SHTN1: variants seen among roughly 807,000 people sequenced by gnomAD.
SHTN1 encodes shootin-1.
A neutral mutation model predicts 83.1 loss-of-function variants in SHTN1; 42 were observed. That is an observed-to-expected ratio of 0.51 (90% CI 0.39 to 0.65). SHTN1 has a LOEUF of 0.65. Ranked by LOEUF, SHTN1 falls within the 30% of genes least tolerant of loss-of-function variation. The pLI is 0.00. For synonymous variants in SHTN1, 224 were observed against 247.7 expected, an observed-to-expected ratio of 0.90 and a Z score of 0.90; for missense variants, 622 against 737.8, an observed-to-expected ratio of 0.84 and a Z score of 1.82.
In SHTN1 at chr10:117,005,015, T is replaced by G. The variant is rs765731269; in HGVS notation, c.58+7A>C. 3 of 1,591,494 alleles carry G rather than the reference T, an allele frequency of 1.9e-6. No individual in the cohort carries two copies. Among genetic ancestry groups the G allele is most frequent in the East Asian group, 2.3e-5 (1 of 44,290 alleles). ...CTGCCCACACCTGGCGCCCGCGTGCTGCCTACCTTGCTCCTTCAGACTGGT... is the reference window on the plus strand; with the variant it reads ...CTGCCCACACCTGGCGCCCGCGTGCGGCCTACCTTGCTCCTTCAGACTGGT... On this transcript the variant is annotated splice_region_variant and intron_variant, in intron 1 of 16. Transcript: ENST00000355371.
intron 7 of SHTN1, among the ~76,000 whole-genome samples, chr10:116,945,269 T>C (rs957419263): frequency 6.6e-6 from 1 of 152,176 alleles, no homozygotes; most frequent in Non-Finnish European, 1.5e-5. Context: ...TTGTAACACA[T>C]GAGCATATAC....
rs749334905 is a variant in SHTN1, at chr10:116,934,737, T to C, written c.859-4735A>G. Among the ~76,000 whole-genome samples, 138 of 152,346 alleles carry C rather than the reference T, an allele frequency of 9.1e-4. 1 individual carries two copies. Among genetic ancestry groups the C allele is most frequent in the Non-Finnish European group, 6.5e-4 (44 of 68,032 alleles). Reference sequence around the variant, plus strand: ...AATGGTAGCTTGATAGGGATAGCATTGAATCCATAAATTACTCTGGGCAGT... The same window carrying C: ...AATGGTAGCTTGATAGGGATAGCATCGAATCCATAAATTACTCTGGGCAGT... On this transcript the variant is annotated intron_variant, in intron 9 of 16. Transcript: ENST00000355371.
intron 1 of SHTN1, among the ~76,000 whole-genome samples, chr10:117,051,063 AC>A (rs1852733786): frequency 6.6e-6 from 1 of 152,152 alleles, no homozygotes; most frequent in African/African-American, 2.4e-5. Context: ...TCTCAAAAAA[AC>A]AAATGGGAAC....
At chr10:116,913,548 A>G (rs1848280724) in intron 13 of SHTN1, among the ~76,000 whole-genome samples, 1 of 152,228 alleles carries the variant, frequency 6.6e-6, no homozygotes, top group Non-Finnish European at 1.5e-5. Context: ...GAAAGTACGT[A>G]TGGAACATTG....
chr10:116,938,452 A>G (rs1849250441), intron 9 of SHTN1, among the ~76,000 whole-genome samples: 1 of 152,162 alleles, frequency 6.6e-6, no homozygotes, highest in Non-Finnish European at 1.5e-5. Context: ...AGTTTGCTGG[A>G]GGTCCACTGC....
intron 16 of SHTN1, chr10:116,901,505 T>C (rs1847734642): frequency 1.0e-6 from 1 of 985,168 alleles, no homozygotes; most frequent in African/African-American, 1.7e-5. Context: ...TCCAGATCAA[T>C]TATTTGTGTA....
At chr10:117,019,241 TG>T (rs1425990965) in intron 2 of SHTN1, among the ~76,000 whole-genome samples, 1 of 152,140 alleles carries the variant, frequency 6.6e-6, no homozygotes, top group African/African-American at 2.4e-5. Context: ...TGGAGTGCTC[TG>T]GTGCAAACAC....
intron 2 of SHTN1, among the ~76,000 whole-genome samples, chr10:116,969,997 C>T (rs979298168): frequency 6.6e-6 from 1 of 152,098 alleles, no homozygotes; most frequent in Non-Finnish European, 1.5e-5. Flanking sequence ...TGCTAACCTG[C>T]CATATAAATA....
chr10:116,978,967 A>G (rs1249746200), intron 2 of SHTN1, among the ~76,000 whole-genome samples: 1 of 152,198 alleles, frequency 6.6e-6, no homozygotes, highest in Non-Finnish European at 1.5e-5. Context: ...TTAGGGAAAA[A>G]GTACGATTCC....
Position 117,012,636 on chromosome 10 carries a change from C to T in SHTN1, c.-122-33328G>A, listed in dbSNP as rs141196829. Among the ~76,000 whole-genome samples, 120 of 151,960 alleles carry T rather than the reference C, an allele frequency of 7.9e-4. 1 individual carries two copies. The East Asian group carries it at 0.017, about 22-fold the overall frequency. On this transcript the variant is annotated intron_variant, in intron 2 of 17. Coordinates refer to the SHTN1 transcript ENST00000392901. The stretch of plus-strand genomic sequence containing the variant: ...ATAGACCAAAATGTAAAACCTGAAA[C>T]AGTAAAACTTTAAAAATGAGACACA...
intron 1 of SHTN1, among the ~76,000 whole-genome samples, chr10:117,104,048 T>C (rs1254299813): frequency 6.6e-6 from 1 of 152,216 alleles, no homozygotes; most frequent in African/African-American, 2.4e-5. Flanking sequence ...ATTTTATAGA[T>C]GGGGAAGCTG....
At chr10:116,955,849 C>T (rs956426678) in intron 4 of SHTN1, among the ~76,000 whole-genome samples, 1 of 152,178 alleles carries the variant, frequency 6.6e-6, no homozygotes, top group Non-Finnish European at 1.5e-5. Context: ...CAGTCCCAGT[C>T]TCCAACTCTA....
intron 12 of SHTN1, 143 bp downstream of exon 12, chr10:116,921,291 G>A: frequency 1.7e-6 from 1 of 591,256 alleles, no homozygotes; most frequent in Non-Finnish European, 3.0e-6. Flanking sequence ...GGCAATGACG[G>A]TTACTGGTTC....
intron 2 of SHTN1, among the ~76,000 whole-genome samples, chr10:116,970,712 CAAA>C (rs1203374258): frequency 1.5e-5 from 1 of 68,194 alleles, no homozygotes; most frequent in African/African-American, 5.6e-5. Flanking sequence ...GACTTACTCT[CAAA>C]AAAAAAAAAA....
rs371369528 is a variant in SHTN1 at position 116,882,308 on chromosome 10, T to C, written c.*4036A>G. ...TGGAGTAAGAATGAGTATAAATGAA[T>C]AAGCACATCAGTAAATGAATTAATA... On this transcript the variant is annotated 3_prime_UTR_variant, in exon 17 of 17. Coordinates refer to ENST00000355371, the MANE Select transcript of SHTN1 (RefSeq NM_001127211.3). 11 of 150,806 alleles carry C rather than the reference T, an allele frequency of 7.3e-5. No individual in the cohort carries two copies. The highest frequency in any genetic ancestry group is 2.7e-4 in the African/African-American group (11 of 40,982). 9.3% of individuals were successfully genotyped at this position (150,806 alleles called of 1,614,324 possible).
chr10:116,906,731 G>A lies in SHTN1; in HGVS notation c.1376C>T (p.Ser459Phe). The change falls in exon 15 of 17, where the codon TCC becomes TTC. Residue 459 changes from serine (S) to phenylalanine (F), a missense_variant. Physicochemically the swap from Ser to Phe is radical, Grantham distance 155. Coordinates refer to ENST00000355371, the MANE Select transcript of SHTN1 (RefSeq NM_001127211.3). ...LKGILGTLNK[S>F]TSSRSLKSLD... The stretch of plus-strand genomic sequence containing the variant: ...GGATTTTAAGCTTCTTGAACTAGTG[G>A]ATTTGTTAAGTGTCCCCTAAAGTGA... 1 of 1,612,382 alleles carries A rather than the reference G, an allele frequency of 6.2e-7. No homozygotes were observed. The highest frequency in any genetic ancestry group is 8.5e-7 in the Non-Finnish European group (1 of 1,179,204).
chr10:117,053,674 A>C (rs920185231), intron 1 of SHTN1, among the ~76,000 whole-genome samples: 8 of 152,230 alleles, frequency 5.3e-5, no homozygotes, highest in African/African-American at 1.9e-4. Context: ...GAAATGGTGC[A>C]CATACTGTGG....
intron 2 of SHTN1, among the ~76,000 whole-genome samples, chr10:117,037,993 G>C (rs1231620912): frequency 1.9e-5 from 1 of 51,504 alleles, no homozygotes. Flanking sequence ...GACAGAGCGA[G>C]ACTTCAAAAA....
At chr10:117,045,600 CACAT>C (rs1182118821) in intron 2 of SHTN1, among the ~76,000 whole-genome samples, 1 of 152,184 alleles carries the variant, frequency 6.6e-6, no homozygotes, top group Non-Finnish European at 1.5e-5. Flanking sequence ...TAGCTTCTGA[CACAT>C]ACAACTATGG....
Sources: allele counts gnomAD v4.1 joint callset (sites outside exome capture counted in the v4.1 genomes callset), GRCh38; gene constraint gnomAD v4.1.1; transcripts MANE v1.5; gene names NCBI Gene and HGNC (gene_info 2026-07-23, HGNC 2026-07-21).